The following PSMA1 variants were observed in gnomAD, a reference collection of about 807,000 sequenced individuals.
PSMA1 encodes proteasome 20S subunit alpha 1.
A neutral mutation model predicts 38.4 loss-of-function variants in PSMA1; 3 were observed. The ratio of observed to expected loss-of-function variants is 0.08; its 90% CI spans 0.04 to 0.20. The LOEUF (loss-of-function observed/expected upper bound fraction) is 0.20, where lower values mean the gene tolerates loss of function less well. Ranked by LOEUF, PSMA1 falls within the 10% of genes least tolerant of loss-of-function variation. The pLI is 1.00. For missense variants in PSMA1, 227 were observed against 325.3 expected, an observed-to-expected ratio of 0.70 and a Z score of 2.32; for synonymous variants, 101 against 107.1, an observed-to-expected ratio of 0.94 and a Z score of 0.35.
intron 2 of PSMA1, among the ~76,000 whole-genome samples, chr11:14,541,459 G>A (rs1448339363): frequency 3.9e-5 from 6 of 152,228 alleles, no homozygotes; most frequent in Non-Finnish European, 8.8e-5. Context: ...TCTGGCCCAG[G>A]AAAGAGATAG....
chr11:14,589,226 T>C (rs1852382843), intron 2 of PSMA1, among the ~76,000 whole-genome samples: 1 of 152,106 alleles, frequency 6.6e-6, no homozygotes, highest in East Asian at 1.9e-4. Flanking sequence ...CTTTCTCCTT[T>C]TCTACTTTCT....
intron 2 of PSMA1, among the ~76,000 whole-genome samples, chr11:14,593,847 T>C (rs1191682383): frequency 1.3e-5 from 2 of 152,240 alleles, no homozygotes; most frequent in Admixed American, 1.3e-4. Flanking sequence ...TCTTTCTTCC[T>C]CTTTTCTAAC....
intron 2 of PSMA1, among the ~76,000 whole-genome samples, chr11:14,581,635 AG>A (rs1790387153): frequency 6.6e-6 from 1 of 152,212 alleles, no homozygotes; most frequent in Non-Finnish European, 1.5e-5. Context: ...GACCTGTATT[AG>A]TCAAGACTCA....
At chr11:14,564,209 C>G (rs1332790541) in intron 2 of PSMA1, among the ~76,000 whole-genome samples, 1 of 152,144 alleles carries the variant, frequency 6.6e-6, no homozygotes, top group Admixed American at 6.5e-5. Context: ...CCCCCCCACC[C>G]CACCTACTCT....
At chr11:14,537,184 G>T (rs1851718532) in intron 2 of PSMA1, among the ~76,000 whole-genome samples, 1 of 152,044 alleles carries the variant, frequency 6.6e-6, no homozygotes, top group South Asian at 2.1e-4. Flanking sequence ...ATGTTTTCTA[G>T]AATTTCAGTG....
chr11:14,516,739 A>G (rs1296931108), intron 4 of PSMA1, among the ~76,000 whole-genome samples: 8 of 152,192 alleles, frequency 5.3e-5, no homozygotes, highest in Non-Finnish European at 7.3e-5. Context: ...TAGCCTGGCC[A>G]ACATGGCGAA....
At chr11:14,583,993 C>T (rs1852310998) in intron 2 of PSMA1, among the ~76,000 whole-genome samples, 1 of 152,154 alleles carries the variant, frequency 6.6e-6, no homozygotes. Context: ...CCAGCAGAGC[C>T]AATTACAGTG....
intron 7 of PSMA1, among the ~76,000 whole-genome samples, chr11:14,511,977 A>G (rs553197493): frequency 2.9e-4 from 44 of 152,356 alleles, no homozygotes; most frequent in Admixed American, 2.6e-3. Context: ...ATAATATGCA[A>G]TGAAATTAAG....
intron 1 of PSMA1, among the ~76,000 whole-genome samples, chr11:14,634,623 C>T (rs962889866): frequency 6.6e-6 from 1 of 152,008 alleles, no homozygotes; most frequent in African/African-American, 2.4e-5. Flanking sequence ...GGATTACAGG[C>T]ATGAGCCACC....
intron 1 of PSMA1, among the ~76,000 whole-genome samples, chr11:14,622,824 C>T (rs1396999970): frequency 6.6e-6 from 1 of 152,164 alleles, no homozygotes; most frequent in Non-Finnish European, 1.5e-5. Context: ...GTGTAGGTGA[C>T]AGTGGTGGGA....
chr11:14,562,193 G>A (rs536841971), intron 2 of PSMA1, among the ~76,000 whole-genome samples: 6 of 152,332 alleles, frequency 3.9e-5, no homozygotes, highest in African/African-American at 1.4e-4. Context: ...TAGATCTCAG[G>A]GAGCAGGACC....
chr11:14,532,214 C>T (rs891520139), intron 2 of PSMA1, among the ~76,000 whole-genome samples: 1 of 151,964 alleles, frequency 6.6e-6, no homozygotes, highest in Non-Finnish European at 1.5e-5. Flanking sequence ...GAAAATAGAA[C>T]CTAAGTTTAT....
chr11:14,551,793 G>A (rs1851888390), intron 2 of PSMA1, among the ~76,000 whole-genome samples: 1 of 152,240 alleles, frequency 6.6e-6, no homozygotes, highest in African/African-American at 2.4e-5. Flanking sequence ...ACTTTAAAGA[G>A]GGGACAGTGG....
At chr11:14,583,021 C>T (rs1438779560) in intron 2 of PSMA1, among the ~76,000 whole-genome samples, 9 of 152,266 alleles carry the variant, frequency 5.9e-5, no homozygotes, top group East Asian at 1.9e-4. Context: ...AACAGCTCTG[C>T]GCTCACGTAA....
At chr11:14,629,226 A>C (rs1229100165) in intron 1 of PSMA1, among the ~76,000 whole-genome samples, 1 of 152,102 alleles carries the variant, frequency 6.6e-6, no homozygotes, top group African/African-American at 2.4e-5. Flanking sequence ...GGTGTTTTAG[A>C]CATGAAGTCC....
At chr11:14,536,000 G>A (rs1336027332) in intron 2 of PSMA1, among the ~76,000 whole-genome samples, 1 of 151,924 alleles carries the variant, frequency 6.6e-6, no homozygotes, top group African/African-American at 2.4e-5. Flanking sequence ...CTCTTTTGTT[G>A]GTCCACAAGT....
chr11:14,618,408 G>A (rs1233042784), intron 1 of PSMA1, among the ~76,000 whole-genome samples: 2 of 152,110 alleles, frequency 1.3e-5, no homozygotes, highest in Non-Finnish European at 2.9e-5. Context: ...TACTATCAAT[G>A]GTCACTTCAA....
intron 2 of PSMA1, among the ~76,000 whole-genome samples, chr11:14,539,212 G>T (rs954283872): frequency 6.6e-6 from 1 of 152,192 alleles, no homozygotes; most frequent in Non-Finnish European, 1.5e-5. Flanking sequence ...GTGCTTCTCA[G>T]TTGGCCGGAA....
chr11:14,641,113 C>T (rs535599564), intron 1 of PSMA1, among the ~76,000 whole-genome samples: 138 of 151,440 alleles, frequency 9.1e-4, no homozygotes, highest in African/African-American at 3.3e-3. Context: ...ACCACCACGG[C>T]ACGTGTATAC....
Sources: gnomAD v4.1 joint callset for allele counts (sites outside exome capture counted in the v4.1 genomes callset) on GRCh38, gnomAD v4.1.1 for gene constraint, MANE v1.5 for transcripts, NCBI Gene and HGNC (gene_info 2026-07-23, HGNC 2026-07-21) for gene names.